LNP1: variants seen among roughly 807,000 people sequenced by gnomAD.
LNP1 encodes the protein leukemia NUP98 fusion partner 1.
LNP1 carries 12 observed loss-of-function variants against 14.5 expected under a neutral mutation model. The observed-to-expected ratio is 0.83, with a 90% CI of 0.53 to 1.34. LNP1 has a LOEUF of 1.34. LNP1 is among the 40% of genes most tolerant of loss of function. The pLI, the probability that LNP1 is intolerant of heterozygous loss-of-function variation, is 0.00. For synonymous variants in LNP1, 75 were observed against 71.4 expected (o/e 1.05, Z -0.26); for missense variants, 198 against 210.9 (o/e 0.94, Z 0.38).
rs151287839 is a variant in LNP1, at chr3:100,435,022, C to T, written c.156+5137C>T. 4.2e-3 allele frequency among the ~76,000 whole-genome samples: 646 copies of T among 152,198 alleles called. 3 individuals carry two copies. The highest frequency in any genetic ancestry group is 0.015 in the African/African-American group (614 of 41,520). On this transcript the variant is annotated intron_variant, in intron 2 of 3. Transcript: ENST00000383693. ...GGGGCATGGCCCTCTTAGGGGAGTTCTCACAAACCTGGGAGAGAACACATA... is the reference window on the plus strand; with the variant it reads ...GGGGCATGGCCCTCTTAGGGGAGTTTTCACAAACCTGGGAGAGAACACATA...
At chr3:100,454,681 C>T (rs9840370) in intron 3 of LNP1, among the ~76,000 whole-genome samples, 64,472 of 152,010 alleles carry the variant, frequency 0.42, 13,962 homozygotes, top group East Asian at 0.73. Flanking sequence ...GCATTATTTA[C>T]AAGCATTTCT....
intron 1 of LNP1, among the ~76,000 whole-genome samples, chr3:100,417,963 CATG>C (rs1707102627): frequency 6.6e-6 from 1 of 151,790 alleles, no homozygotes; most frequent in Admixed American, 6.6e-5. Context: ...CCTTTTCTGA[CATG>C]ATTTTTTCTC....
intron 2 of LNP1, among the ~76,000 whole-genome samples, chr3:100,449,411 C>T (rs1442216363): frequency 6.6e-6 from 1 of 152,164 alleles, no homozygotes; most frequent in Non-Finnish European, 1.5e-5. Flanking sequence ...GTTTACACTC[C>T]TGTGGTTCCA....
chr3:100,426,472 T>G (rs755155100), intron 1 of LNP1, among the ~76,000 whole-genome samples: 3 of 152,162 alleles, frequency 2.0e-5, no homozygotes, highest in Non-Finnish European at 4.4e-5. Flanking sequence ...CAAGTCCAAT[T>G]GACAAGAAAT....
rs991046347 is a variant in LNP1 at position 100,401,905 on chromosome 3, A to T, written c.-568A>T. 4 of 152,180 alleles carry T rather than the reference A, an allele frequency of 2.6e-5. No homozygotes were observed. Among genetic ancestry groups the T allele is most frequent in the African/African-American group, 9.7e-5 (4 of 41,442 alleles). 9.4% of individuals were successfully genotyped at this position (152,180 alleles called of 1,614,324 possible). On this transcript the variant is annotated 5_prime_UTR_variant, in exon 1 of 4. Transcript: ENST00000383693. ...GGGTTTCTTAAACTGAGTTGGTAGA[A>T]ATGCGAAGCGTCAGGGTTCCCGCCG...
intron 2 of LNP1, among the ~76,000 whole-genome samples, chr3:100,441,995 AT>A (rs1409580356): frequency 4.6e-5 from 7 of 152,048 alleles, no homozygotes; most frequent in Non-Finnish European, 7.4e-5. Context: ...AGTAAAGTTG[AT>A]TTTTTCCTTA....
chr3:100,439,928 AGATATGCATAT>A (rs1707330745), intron 2 of LNP1, among the ~76,000 whole-genome samples: 2 of 152,216 alleles, frequency 1.3e-5, no homozygotes, highest in African/African-American at 4.8e-5. Context: ...ATATCTAGAA[AGATATGCATAT>A]GTTTGCCAGT....
chr3:100,414,494 C>CCGAGAT (rs979895143), intron 1 of LNP1, among the ~76,000 whole-genome samples: 1 of 151,778 alleles, frequency 6.6e-6, no homozygotes, highest in African/African-American at 2.4e-5. Flanking sequence ...TTGCAGTGAG[C>CCGAGAT]CGAGATCGCA....
chr3:100,441,376 A>C (rs1707342591), intron 2 of LNP1, among the ~76,000 whole-genome samples: 1 of 152,170 alleles, frequency 6.6e-6, no homozygotes, highest in Non-Finnish European at 1.5e-5. Flanking sequence ...AGTCAGAGAA[A>C]TTGAGAGAGC....
chr3:100,428,731 A>T (rs1707216926), intron 1 of LNP1, among the ~76,000 whole-genome samples: 1 of 152,180 alleles, frequency 6.6e-6, no homozygotes, highest in African/African-American at 2.4e-5. Flanking sequence ...TAAAATGACC[A>T]TCACTAGTAG....
intron 1 of LNP1, among the ~76,000 whole-genome samples, chr3:100,411,598 TG>T (rs1427040198): frequency 5.3e-5 from 8 of 152,206 alleles, no homozygotes; most frequent in African/African-American, 1.9e-4. Flanking sequence ...TTCTGGAGGC[TG>T]GGGAGTCCCA....
At chr3:100,444,678 TAACTC>T (rs1288038078) in intron 2 of LNP1, among the ~76,000 whole-genome samples, 1 of 152,178 alleles carries the variant, frequency 6.6e-6, no homozygotes, top group African/African-American at 2.4e-5. Flanking sequence ...ACCAAAGTAA[TAACTC>T]AAAGGATTTT....
chr3:100,438,684 A>G (rs148556031), intron 2 of LNP1, among the ~76,000 whole-genome samples: 2,161 of 152,290 alleles, frequency 0.014, 28 homozygotes, highest in African/African-American at 0.04. Flanking sequence ...TTGTTGTTCT[A>G]GGTCCACAGG....
intron 1 of LNP1, among the ~76,000 whole-genome samples, chr3:100,415,155 T>C (rs1488453204): frequency 6.6e-6 from 1 of 152,188 alleles, no homozygotes; most frequent in Admixed American, 6.5e-5. Context: ...TTTGGGTACA[T>C]TAAAAGATTT....
In LNP1 at chr3:100,429,722, A is replaced by G; in HGVS notation, c.-8A>G. Reference sequence around the variant, plus strand: ...GGACAGGCCTTCAGTATTTGGCATCACCTTTACATGGAGCACAAAGATGAT... The same window carrying G: ...GGACAGGCCTTCAGTATTTGGCATCGCCTTTACATGGAGCACAAAGATGAT... On this transcript the variant is annotated 5_prime_UTR_variant, in exon 2 of 4. Transcript: ENST00000383693. 2 of 1,612,192 alleles carry G rather than the reference A, an allele frequency of 1.2e-6. No homozygotes were observed. The highest frequency in any genetic ancestry group is 1.7e-6 in the Non-Finnish European group (2 of 1,179,126).
At position 100,411,309 on chromosome 3, in the gene LNP1, C is replaced by T. The variant is rs577466110; in HGVS notation, c.-34+8870C>T. Among the ~76,000 whole-genome samples the T allele has an allele frequency of 2.6e-5, 4 of 152,322 alleles. No homozygotes were observed. In the South Asian group the frequency reaches 8.3e-4, roughly 32 times the overall value. ...TTCACACCTGCAGAGAATTTTGCCT[C>T]AGGATGAATCACACTTCAGTTCTCT... On this transcript the variant is annotated intron_variant, in intron 1 of 3. Coordinates refer to ENST00000383693, the MANE Select transcript of LNP1 (RefSeq NM_001085451.2).
intron 1 of LNP1, among the ~76,000 whole-genome samples, chr3:100,420,007 C>G (rs1381655052): frequency 6.6e-6 from 1 of 152,162 alleles, no homozygotes; most frequent in East Asian, 1.9e-4. Context: ...TATGAATGAT[C>G]CAGCTTCTCT....
At chr3:100,409,921 T>G (rs1707012598) in intron 1 of LNP1, among the ~76,000 whole-genome samples, 2 of 151,728 alleles carry the variant, frequency 1.3e-5, no homozygotes, top group African/African-American at 2.4e-5. Flanking sequence ...TATATTTAAT[T>G]AAATATATGC....
At chr3:100,409,151 C>T (rs1707000211) in intron 1 of LNP1, among the ~76,000 whole-genome samples, 2 of 152,066 alleles carry the variant, frequency 1.3e-5, no homozygotes, top group Non-Finnish European at 2.9e-5. Flanking sequence ...CAAAACTTGA[C>T]CCACTGATGA....
Sources: allele counts gnomAD v4.1 joint callset (sites outside exome capture counted in the v4.1 genomes callset), GRCh38; gene constraint gnomAD v4.1.1; transcripts MANE v1.5; gene names NCBI Gene and HGNC (gene_info 2026-07-23, HGNC 2026-07-21).